ST6GAL1: variants seen among roughly 807,000 people sequenced by gnomAD.
ST6GAL1 encodes beta-galactoside alpha-2,6-sialyltransferase 1.
In ST6GAL1, 20 loss-of-function variants were observed where a neutral mutation model predicts 38.0. The ratio of observed to expected loss-of-function variants is 0.53; its 90% CI spans 0.37 to 0.77. The LOEUF is 0.77. ST6GAL1 is among the 30% of genes least tolerant of loss of function. The pLI is 0.00. For synonymous variants in ST6GAL1, 196 were observed against 188.2 expected (o/e 1.04, Z -0.34); for missense variants, 432 against 496.4 (o/e 0.87, Z 1.23).
intron 2 of ST6GAL1, among the ~76,000 whole-genome samples, chr3:187,003,682 T>G (rs1350363556): frequency 6.6e-6 from 1 of 152,180 alleles, no homozygotes; most frequent in African/African-American, 2.4e-5. Context: ...ATTTGTGAAA[T>G]TTTGCTTTTG....
chr3:187,076,688 C>G lies in ST6GAL1; in HGVS notation c.*885C>G. 2.5e-6 allele frequency: 1 copy of G among 397,326 alleles called. No individual in the cohort carries two copies. Among genetic ancestry groups the G allele is most frequent in the Non-Finnish European group, 4.4e-6 (1 of 225,794 alleles). 24.6% of individuals were successfully genotyped at this position (397,326 alleles called of 1,614,324 possible). ...TCTTAGAGGAAGAGAAGAAACATGGCAAGCAGATTACATCTGAGCCGTTTG... is the reference window on the plus strand; with the variant it reads ...TCTTAGAGGAAGAGAAGAAACATGGGAAGCAGATTACATCTGAGCCGTTTG... On this transcript the variant is annotated 3_prime_UTR_variant, in exon 8 of 8. Transcript: ENST00000169298.
intron 2 of ST6GAL1, chr3:187,021,811 C>CTACTA (rs1717314597): frequency 6.7e-6 from 1 of 150,128 alleles, no homozygotes; most frequent in Admixed American, 6.6e-5. Flanking sequence ...GAAATGCTGA[C>CTACTA]GTCAAGGAAG....
Position 186,939,988 on chromosome 3 carries a change from C to T in ST6GAL1, c.-325+9154C>T, listed in dbSNP as rs144556914. ...CTTGGTCTCCTCTAACTTGCTGTTA[C>T]ACCCAAGTAGGAATTTTTGACTCAA... On this transcript the variant is annotated intron_variant, in intron 1 of 7. Transcript: ENST00000169298. Among the ~76,000 whole-genome samples the T allele has an allele frequency of 1.4e-4, 22 of 152,348 alleles. No homozygotes were observed. In the East Asian group the frequency reaches 3.5e-3, roughly 24 times the overall value.
chr3:186,979,537 C>T (rs905309492), intron 2 of ST6GAL1, among the ~76,000 whole-genome samples: 4 of 147,670 alleles, frequency 2.7e-5, no homozygotes, highest in Admixed American at 6.9e-5. Flanking sequence ...GAAGAGGAGT[C>T]GAAACAGAGA....
At chr3:186,994,260 G>A (rs1716286887) in intron 2 of ST6GAL1, among the ~76,000 whole-genome samples, 1 of 152,240 alleles carries the variant, frequency 6.6e-6, no homozygotes, top group African/African-American at 2.4e-5. Flanking sequence ...GGGGAGACAT[G>A]AATTCGAGTT....
intron 1 of ST6GAL1, among the ~76,000 whole-genome samples, chr3:186,938,290 A>G (rs1239932602): frequency 2.6e-5 from 4 of 152,222 alleles, no homozygotes; most frequent in African/African-American, 7.2e-5. Context: ...CAGCGCAAGC[A>G]AGTCGGGATT....
At chr3:187,071,135 T>C (rs935413772) in intron 5 of ST6GAL1, among the ~76,000 whole-genome samples, 1 of 152,196 alleles carries the variant, frequency 6.6e-6, no homozygotes, top group African/African-American at 2.4e-5. Flanking sequence ...GTCTCAGCCT[T>C]GGCGATGTAG....
rs58085172 is a variant in ST6GAL1, at chr3:187,005,269, CTTTTTTTT to C, written c.-182-33457_-182-33450del. The stretch of plus-strand genomic sequence containing the variant: ...GTCATCCATGTTTCTTTTTCTTTTT[CTTTTTTTT>C]TTTTTTTTTTTTTTTGAGACGGAGT... On this transcript the variant is annotated intron_variant, in intron 2 of 7. Transcript: ENST00000169298. Among the ~76,000 whole-genome samples the C allele has an allele frequency of 5.6e-3, 584 of 103,944 alleles. 17 individuals are homozygous for C. In the East Asian group the frequency reaches 0.099, roughly 18 times the overall value. 68.2% of individuals were successfully genotyped at this position (103,944 alleles called of 152,430 possible).
At chr3:187,014,674 A>G (rs1279857167) in intron 2 of ST6GAL1, among the ~76,000 whole-genome samples, 4 of 152,240 alleles carry the variant, frequency 2.6e-5, no homozygotes, top group Non-Finnish European at 4.4e-5. Flanking sequence ...CATGATTGCA[A>G]TACATTCCTG....
At chr3:186,985,160 C>T (rs1276336174) in intron 2 of ST6GAL1, among the ~76,000 whole-genome samples, 2 of 152,074 alleles carry the variant, frequency 1.3e-5, no homozygotes, top group Admixed American at 6.6e-5. Flanking sequence ...CCGCCCACCT[C>T]AGCCTCCCAA....
rs142171363 is a variant in ST6GAL1, at chr3:186,952,486, A to ATTTTC, written c.-324-11279_-324-11275dup. ...CCTTCTCAGTTCCTTTTCTTGGCTC[A>ATTTTC]TTTTCTTTTCTTTTCTTTTCTTTTT... is the stretch of plus-strand genomic sequence containing the variant. On this transcript the variant is annotated intron_variant, in intron 1 of 7. Coordinates refer to ENST00000169298, the MANE Select transcript of ST6GAL1 (RefSeq NM_173216.2). The surrounding 1 kb of genome is among the most constrained non-coding windows in gnomAD (Gnocchi z 4.1). Among the ~76,000 whole-genome samples, 17 of 151,278 alleles carry ATTTTC rather than the reference A, an allele frequency of 1.1e-4. No individual in the cohort carries two copies. The highest frequency in any genetic ancestry group is 2.1e-4 in the South Asian group (1 of 4,760).
chr3:186,972,142 G>T (rs998913350), intron 2 of ST6GAL1, among the ~76,000 whole-genome samples: 2 of 152,152 alleles, frequency 1.3e-5, no homozygotes, highest in African/African-American at 4.8e-5. Context: ...GAGGAAACAG[G>T]CATAGAGAGG....
intron 2 of ST6GAL1, among the ~76,000 whole-genome samples, chr3:186,985,493 A>ATGAT (rs1420209580): frequency 6.6e-6 from 1 of 151,774 alleles, no homozygotes; most frequent in East Asian, 1.9e-4. Flanking sequence ...TTGAAAGGAT[A>ATGAT]TGATCTGAGG....
chr3:186,941,608 AAG>A (rs1311182739), intron 1 of ST6GAL1, among the ~76,000 whole-genome samples: 2 of 152,122 alleles, frequency 1.3e-5, no homozygotes, highest in Non-Finnish European at 2.9e-5. Context: ...GAGGAGGGGA[AAG>A]AGTTGCAGGA....
At chr3:186,937,328 C>T (rs1713997550) in intron 1 of ST6GAL1, among the ~76,000 whole-genome samples, 1 of 152,124 alleles carries the variant, frequency 6.6e-6, no homozygotes, top group African/African-American at 2.4e-5. Context: ...ACTGCCTCTG[C>T]CTTTCCCACC....
At chr3:187,009,982 G>A (rs1716904757) in intron 2 of ST6GAL1, among the ~76,000 whole-genome samples, 1 of 152,154 alleles carries the variant, frequency 6.6e-6, no homozygotes, top group Non-Finnish European at 1.5e-5. Context: ...TCCAGCCTGG[G>A]CAACAGAGCG....
chr3:187,024,887 T>C (rs1201112441), intron 2 of ST6GAL1: 1 of 152,154 alleles, frequency 6.6e-6, no homozygotes, highest in Admixed American at 6.5e-5. Context: ...ATTGAGAGAA[T>C]TGGTAAACAT....
intron 2 of ST6GAL1, among the ~76,000 whole-genome samples, chr3:187,036,607 A>G (rs1717940205): frequency 6.6e-6 from 1 of 152,230 alleles, no homozygotes; most frequent in Non-Finnish European, 1.5e-5. Context: ...AGCAACATGG[A>G]TGCAGCTGGA....
intron 1 of ST6GAL1, among the ~76,000 whole-genome samples, chr3:186,944,967 T>A (rs1380662882): frequency 6.6e-6 from 1 of 152,194 alleles, no homozygotes; most frequent in Non-Finnish European, 1.5e-5. Flanking sequence ...AACCTGGATA[T>A]TGGGATCAAC....
Sources: gnomAD v4.1 joint callset for allele counts (sites outside exome capture counted in the v4.1 genomes callset) on GRCh38, gnomAD v4.1.1 for gene constraint, Gnocchi (gnomAD v3.1) non-coding constraint, MANE v1.5 for transcripts, NCBI Gene and HGNC (gene_info 2026-07-23, HGNC 2026-07-21) for gene names.